Variants in CPEB3 observed in about 807,000 individuals in gnomAD.
CPEB3 encodes the protein cytoplasmic polyadenylation element-binding protein 3.
Under a neutral mutation model 67.2 loss-of-function variants are expected in CPEB3, and 20 were observed. The ratio of observed to expected loss-of-function variants is 0.30; its 90% confidence interval spans 0.21 to 0.43. The LOEUF (loss-of-function observed/expected upper bound fraction) is 0.43. Among genes scored for constraint, CPEB3 ranks in the 20% least tolerant of loss-of-function variants. The probability of loss-of-function intolerance (pLI) is 1.00; values close to 1 mark genes in which losing one functional copy is unlikely to be tolerated. For missense variants in CPEB3, 746 were observed against 968.6 expected, an observed-to-expected ratio of 0.77 and a Z score of 3.05; for synonymous variants, 376 against 393.1, an observed-to-expected ratio of 0.96 and a Z score of 0.51.
chr10:92,175,935 C>CA (rs1848204077), intron 4 of CPEB3, among the ~76,000 whole-genome samples: 1 of 152,090 alleles, frequency 6.6e-6, no homozygotes, highest in Non-Finnish European at 1.5e-5. Flanking sequence ...ACTAAAAATA[C>CA]AAAAAATTAG....
intron 2 of CPEB3, among the ~76,000 whole-genome samples, chr10:92,222,451 G>T (rs1850748135): frequency 6.6e-6 from 1 of 152,106 alleles, no homozygotes; most frequent in African/African-American, 2.4e-5. Flanking sequence ...TGCTAGATTT[G>T]AATTTAGAAA....
chr10:92,066,978 G>A (rs1044851181), intron 9 of CPEB3, among the ~76,000 whole-genome samples: 25 of 151,766 alleles, frequency 1.6e-4, no homozygotes, highest in African/African-American at 5.8e-4. Context: ...GAACCTGGGA[G>A]GTGGAGATTG....
chr10:92,267,165 G>A (rs557411493), intron 1 of CPEB3, among the ~76,000 whole-genome samples: 2 of 152,308 alleles, frequency 1.3e-5, no homozygotes, highest in Admixed American at 1.3e-4. Context: ...TAATGCAGGA[G>A]TAAGGCTTTC....
rs1260146504 is a variant in CPEB3 at position 92,141,974 on chromosome 10, C to T, written c.1453+1055G>A. ...CGGAGCTTGCAGTGAGCCGAGATCA[C>T]GCCACTGCACTCCAGCCTGGGCGAC... On this transcript the variant is annotated intron_variant, in intron 6 of 9. Transcript: ENST00000265997. 1.1e-4 allele frequency among the ~76,000 whole-genome samples: 17 copies of T among 148,860 alleles called. No homozygotes were observed. The East Asian group carries it at 1.6e-3, about 14-fold the overall frequency.
Position 92,159,798 on chromosome 10 carries a change from C to T in CPEB3, c.1223-14713G>A, listed in dbSNP as rs370157743. Among the ~76,000 whole-genome samples the T allele has an allele frequency of 2.0e-5, 3 of 152,238 alleles. No homozygotes were observed. The East Asian group carries it at 5.8e-4, about 29-fold the overall frequency. On this transcript the variant is annotated intron_variant, in intron 4 of 9. Transcript: ENST00000265997. ...CAATCTCATTTTCTACTACTTTCCA[C>T]TTTTCCTCAGGCATCAGACTTGCCC...
chr10:92,289,298 G>A (rs1344188337), intron 1 of CPEB3, among the ~76,000 whole-genome samples: 3 of 152,002 alleles, frequency 2.0e-5, no homozygotes. Context: ...AGCACTTTGG[G>A]AGGCCGAGAC....
At chr10:92,190,432 G>T (rs1461026827) in intron 3 of CPEB3, among the ~76,000 whole-genome samples, 5 of 151,866 alleles carry the variant, frequency 3.3e-5, no homozygotes, top group African/African-American at 4.8e-5. Flanking sequence ...TTGGGAGGCC[G>T]AGGCAGGTGG....
intron 9 of CPEB3, among the ~76,000 whole-genome samples, chr10:92,067,508 TA>T (rs1302314702): frequency 7.0e-6 from 1 of 143,512 alleles, no homozygotes; most frequent in African/African-American, 2.6e-5. Context: ...CTCAAAGAAA[TA>T]AAAAAAAGAA....
chr10:92,283,037 G>C (rs1842365964), intron 1 of CPEB3, among the ~76,000 whole-genome samples: 1 of 152,192 alleles, frequency 6.6e-6, no homozygotes, highest in South Asian at 2.1e-4. Flanking sequence ...GATCACTTCA[G>C]CTGAGGAATT....
At chr10:92,266,026 G>A (rs1418642554) in intron 1 of CPEB3, among the ~76,000 whole-genome samples, 1 of 152,030 alleles carries the variant, frequency 6.6e-6, no homozygotes, top group Admixed American at 6.6e-5. Context: ...AGAAGAGGAA[G>A]AGAAACCTGA....
intron 1 of CPEB3, among the ~76,000 whole-genome samples, chr10:92,269,463 T>C (rs1396126989): frequency 6.6e-6 from 1 of 152,164 alleles, no homozygotes; most frequent in Non-Finnish European, 1.5e-5. Flanking sequence ...ATCTTCATGT[T>C]CAAATATTTG....
chr10:92,094,067 G>A (rs58985102), intron 7 of CPEB3, among the ~76,000 whole-genome samples: 4 of 151,176 alleles, frequency 2.6e-5, no homozygotes, highest in African/African-American at 9.7e-5. Context: ...GTTGGCCAGG[G>A]TGGTCTCAAA....
chr10:92,156,941 T>A (rs1229550559), intron 4 of CPEB3, among the ~76,000 whole-genome samples: 1 of 152,214 alleles, frequency 6.6e-6, no homozygotes, highest in Admixed American at 6.6e-5. Context: ...TAATATTTTT[T>A]AAAACATAAT....
chr10:92,151,362 G>A (rs1241502197), intron 4 of CPEB3, among the ~76,000 whole-genome samples: 2 of 152,002 alleles, frequency 1.3e-5, no homozygotes, highest in Admixed American at 6.6e-5. Flanking sequence ...AGTCACTTTG[G>A]GGGTTTAAGA....
At chr10:92,256,425 C>A (rs1487300014) in intron 1 of CPEB3, among the ~76,000 whole-genome samples, 1 of 149,978 alleles carries the variant, frequency 6.7e-6, no homozygotes, top group African/African-American at 2.5e-5. Context: ...GAGTCTCACT[C>A]TGTTGCCCAG....
At chr10:92,137,447 T>C (rs1180698539) in intron 6 of CPEB3, 2 of 1,195,024 alleles carry the variant, frequency 1.7e-6, no homozygotes, top group Admixed American at 2.2e-5. Context: ...ATCTATGACA[T>C]ATTCCAAAAG....
At chr10:92,176,477 C>T (rs1407152923) in intron 4 of CPEB3, among the ~76,000 whole-genome samples, 3 of 152,226 alleles carry the variant, frequency 2.0e-5, no homozygotes, top group African/African-American at 7.2e-5. Context: ...TTTGCTAATT[C>T]ATTGCTGCAT....
chr10:92,064,387 G>A (rs999937861), intron 9 of CPEB3, among the ~76,000 whole-genome samples: 1 of 152,166 alleles, frequency 6.6e-6, no homozygotes, highest in African/African-American at 2.4e-5. Context: ...TTAGCTCTGA[G>A]GTTGGGTTCC....
intron 1 of CPEB3, among the ~76,000 whole-genome samples, chr10:92,258,625 AATATATATATAT>A (rs56316802): frequency 0.022 from 715 of 32,702 alleles, 9 homozygotes; most frequent in African/African-American, 0.028. Context: ...ATATTTTTTG[AATATATATATAT>A]ATATATATAT....
Sources: gnomAD v4.1 joint callset for allele counts (sites outside exome capture counted in the v4.1 genomes callset) on GRCh38, gnomAD v4.1.1 for gene constraint, MANE v1.5 for transcripts, NCBI Gene and HGNC (gene_info 2026-07-23, HGNC 2026-07-21) for gene names.